The following CSNK1G3 variants were observed in gnomAD, a reference collection of about 807,000 sequenced individuals.
CSNK1G3 encodes casein kinase 1 gamma 3, also known as casein kinase I isoform gamma-3.
A neutral mutation model predicts 64.3 loss-of-function variants in CSNK1G3; 23 were observed. The observed-to-expected ratio is 0.36, with a 90% CI of 0.26 to 0.51. The LOEUF (loss-of-function observed/expected upper bound fraction) is 0.51, where lower values mean the gene tolerates loss of function less well. CSNK1G3 is among the 20% of genes least tolerant of loss of function. The pLI is 0.96. For missense variants in CSNK1G3, 357 were observed against 510.5 expected (o/e 0.70, Z 2.90); for synonymous variants, 158 against 162.2 (o/e 0.97, Z 0.20).
chr5:123,609,490 T>TAA (rs2151219157), intron 12 of CSNK1G3, among the ~76,000 whole-genome samples: 1 of 152,324 alleles, frequency 6.6e-6, no homozygotes, highest in East Asian at 1.9e-4. Context: ...ATACTAAGTG[T>TAA]TCAGGACTTT....
chr5:123,529,197 T>C (rs990079028), intron 1 of CSNK1G3, among the ~76,000 whole-genome samples: 1 of 152,134 alleles, frequency 6.6e-6, no homozygotes, highest in African/African-American at 2.4e-5. Context: ...GAATCAGAGA[T>C]GTGTATTAAA....
At chr5:123,531,243 A>G (rs1344922160) in intron 1 of CSNK1G3, among the ~76,000 whole-genome samples, 4 of 152,114 alleles carry the variant, frequency 2.6e-5, no homozygotes, top group Non-Finnish European at 5.9e-5. Flanking sequence ...AAATATGAAA[A>G]TATACCTATA....
chr5:123,593,658 A>C (rs1009053137), intron 10 of CSNK1G3, among the ~76,000 whole-genome samples: 3 of 152,088 alleles, frequency 2.0e-5, no homozygotes, highest in Non-Finnish European at 4.4e-5. Context: ...TTTGATTTCA[A>C]CTTAAGCTAC....
chr5:123,513,272 T>A (rs1048112806), intron 1 of CSNK1G3, among the ~76,000 whole-genome samples: 2 of 152,186 alleles, frequency 1.3e-5, no homozygotes, highest in East Asian at 3.9e-4. Flanking sequence ...ATCGGGTCTC[T>A]TGGTCCACAG....
At chr5:123,584,459 T>G (rs1031775551) in intron 6 of CSNK1G3, among the ~76,000 whole-genome samples, 2 of 152,224 alleles carry the variant, frequency 1.3e-5, no homozygotes, top group Non-Finnish European at 2.9e-5. Context: ...ATTACATTGA[T>G]TGATTTTTAA....
At chr5:123,582,217 G>C (rs889569698) in intron 6 of CSNK1G3, among the ~76,000 whole-genome samples, 28 of 152,072 alleles carry the variant, frequency 1.8e-4, no homozygotes, top group Admixed American at 3.9e-4. Context: ...ATAATGTTGA[G>C]ATATAAGAGT....
chr5:123,579,473 C>T (rs1054521379), intron 6 of CSNK1G3, among the ~76,000 whole-genome samples: 8 of 151,726 alleles, frequency 5.3e-5, no homozygotes, highest in African/African-American at 1.5e-4. Context: ...CCAGGCACAC[C>T]TATATTTATT....
chr5:123,578,891 C>T (rs909485460), intron 6 of CSNK1G3, among the ~76,000 whole-genome samples: 1 of 151,942 alleles, frequency 6.6e-6, no homozygotes, highest in African/African-American at 2.4e-5. Context: ...ATTACATTTG[C>T]CACATTCAGT....
chr5:123,611,355 C>T (rs983358978), intron 12 of CSNK1G3, among the ~76,000 whole-genome samples: 2 of 152,074 alleles, frequency 1.3e-5, no homozygotes, highest in African/African-American at 4.8e-5. Flanking sequence ...TTTATAAGGA[C>T]GTTCTTTATT....
intron 10 of CSNK1G3, among the ~76,000 whole-genome samples, chr5:123,604,426 A>C (rs1581417855): frequency 6.6e-6 from 1 of 152,082 alleles, no homozygotes; most frequent in East Asian, 1.9e-4. Context: ...TGAGACATAC[A>C]TGCAGGAGTT....
chr5:123,529,860 C>T (rs567211783), intron 1 of CSNK1G3, among the ~76,000 whole-genome samples: 7 of 152,058 alleles, frequency 4.6e-5, no homozygotes, highest in African/African-American at 1.4e-4. Context: ...GATATTTCTG[C>T]TGGGTGTGGT....
At chr5:123,606,693 C>T (rs957023340) in intron 12 of CSNK1G3, among the ~76,000 whole-genome samples, 2 of 152,046 alleles carry the variant, frequency 1.3e-5, no homozygotes. Flanking sequence ...TTATCTGTGT[C>T]CTATATTTTT....
At chr5:123,518,964 T>C (rs1432932028) in intron 1 of CSNK1G3, among the ~76,000 whole-genome samples, 4 of 152,246 alleles carry the variant, frequency 2.6e-5, no homozygotes, top group Admixed American at 1.3e-4. Flanking sequence ...TTCTCCATGC[T>C]GGCCAGGCTG....
intron 1 of CSNK1G3, among the ~76,000 whole-genome samples, chr5:123,533,589 T>A (rs796415736): frequency 3.2e-4 from 49 of 151,800 alleles, no homozygotes; most frequent in African/African-American, 1.1e-3. Context: ...CCGTCTTTTT[T>A]TCTTTATTTT....
intron 2 of CSNK1G3, among the ~76,000 whole-genome samples, chr5:123,547,567 AAG>A (rs1782774877): frequency 6.6e-6 from 1 of 152,130 alleles, no homozygotes; most frequent in Non-Finnish European, 1.5e-5. Context: ...TATACTGAAA[AAG>A]AGGTAAAGCA....
intron 1 of CSNK1G3, among the ~76,000 whole-genome samples, chr5:123,515,584 A>G (rs1261415831): frequency 1.3e-5 from 2 of 152,186 alleles, no homozygotes; most frequent in African/African-American, 4.8e-5. Context: ...AAGTCATCTT[A>G]AATATTAGAC....
At position 123,580,659 on chromosome 5, in the gene CSNK1G3, A is replaced by G. The variant is rs576138884; in HGVS notation, c.673+4696A>G. On this transcript the variant is annotated intron_variant, in intron 6 of 12. Coordinates refer to ENST00000345990, the Ensembl canonical transcript of CSNK1G3. Reference sequence around the variant, plus strand: ...CATCTGATCAAGTGTCTGCTTTTTAATATCTTTTTAAAGACTTTTGTTAGC... The same window carrying G: ...CATCTGATCAAGTGTCTGCTTTTTAGTATCTTTTTAAAGACTTTTGTTAGC... 3.9e-5 allele frequency among the ~76,000 whole-genome samples: 6 copies of G among 151,996 alleles called. No homozygotes were observed. The East Asian group carries it at 1.2e-3, about 29-fold the overall frequency.
intron 4 of CSNK1G3, among the ~76,000 whole-genome samples, chr5:123,563,473 G>A (rs763192249): frequency 2.6e-5 from 4 of 151,920 alleles, no homozygotes; most frequent in Non-Finnish European, 5.9e-5. Flanking sequence ...CTGGATTTAT[G>A]TGCTCCCTGC....
Position 123,588,407 on chromosome 5 carries a change from AT to A in CSNK1G3, c.760-10del, listed in dbSNP as rs373005811. The A allele has an allele frequency of 2.3e-3, 3,487 of 1,501,520 alleles. 10 individuals carry two copies. Among genetic ancestry groups the A allele is most frequent in the Non-Finnish European group, 2.8e-3 (3,058 of 1,086,738 alleles). The allele number at this position is 1,501,520 out of a possible 1,614,324, so 93.0% of individuals were successfully genotyped here. ...ATTTTTAAATTACCACATTCTCAAG[AT>A]TTTTTTTTTCTGTTTTAGGCTGACA... On this transcript the variant is annotated intron_variant, in intron 7 of 12. Transcript: ENST00000345990.
Sources: gnomAD v4.1 joint callset for allele counts (sites outside exome capture counted in the v4.1 genomes callset) on GRCh38, gnomAD v4.1.1 for gene constraint, MANE v1.5 for transcripts, NCBI Gene and HGNC (gene_info 2026-07-23, HGNC 2026-07-21) for gene names.